The following EMSY variants were observed in gnomAD, a reference collection of about 807,000 sequenced individuals.
EMSY encodes the protein EMSY transcriptional repressor, BRCA2 interacting, also known as BRCA2-interacting transcriptional repressor EMSY.
A neutral mutation model predicts 134.6 loss-of-function variants in EMSY; 26 were observed. The ratio of observed to expected loss-of-function variants is 0.19; its 90% CI spans 0.14 to 0.27. The LOEUF is 0.27. Among genes scored for constraint, EMSY ranks in the 10% least tolerant of loss-of-function variants. EMSY has a pLI of 1.00. For synonymous variants in EMSY, 579 were observed against 577.8 expected (o/e 1.00, Z -0.03); for missense variants, 1,305 against 1,611.4 (o/e 0.81, Z 3.26).
chr11:76,473,296 A>G (rs565143929), intron 8 of EMSY, among the ~76,000 whole-genome samples: 84 of 150,954 alleles, frequency 5.6e-4, no homozygotes, highest in Non-Finnish European at 9.8e-4. Context: ...AGTCTCCTAC[A>G]TTTTTCTTTT....
At chr11:76,456,284 T>C (rs544452954) in intron 4 of EMSY, among the ~76,000 whole-genome samples, 1 of 152,368 alleles carries the variant, frequency 6.6e-6, no homozygotes, top group South Asian at 2.1e-4. Flanking sequence ...TGAGCATGTT[T>C]GCATGAGTAG....
intron 18 of EMSY, among the ~76,000 whole-genome samples, chr11:76,542,753 G>GTTTTTTGTTTTT (rs749234059): frequency 1.8e-5 from 2 of 109,262 alleles, no homozygotes; most frequent in Non-Finnish European, 1.9e-5. Context: ...TTCGTTTTTT[G>GTTTTTTGTTTTT]TTTTTTTTTT....
At chr11:76,545,696 A>G in intron 19 of EMSY, 101 bp from the exon 21 acceptor site, 2 of 1,356,758 alleles carry the variant, frequency 1.5e-6, no homozygotes, top group Non-Finnish European at 2.0e-6. Context: ...TCTTCCTAGT[A>G]TAGCGCACGA....
chr11:76,508,023 G>A (rs1950144935), intron 9 of EMSY, among the ~76,000 whole-genome samples: 1 of 151,582 alleles, frequency 6.6e-6, no homozygotes, highest in African/African-American at 2.4e-5. Context: ...GCCATAGCAT[G>A]CCTGGCTAAT....
chr11:76,552,773 A>T (rs1371658682), downstream of EMSY: 1 of 152,196 alleles, frequency 6.6e-6, no homozygotes. Flanking sequence ...CATTAATCAC[A>T]AAAGAAATCC....
intron 3 of EMSY, 40 bp from the exon 4 acceptor site, chr11:76,453,274 C>G: frequency 6.3e-7 from 1 of 1,583,240 alleles, no homozygotes; most frequent in Non-Finnish European, 8.6e-7. Context: ...AAAGAGCTGC[C>G]TGCTTGGCAG....
chr11:76,457,505 C>T (rs1165701220), intron 4 of EMSY, among the ~76,000 whole-genome samples: 2 of 152,112 alleles, frequency 1.3e-5, no homozygotes, highest in Non-Finnish European at 1.5e-5. Context: ...GTCTCAATTC[C>T]TTCTTAGAGT....
intron 14 of EMSY, 63 bp from the exon 16 acceptor site, chr11:76,535,832 T>C (rs1371321397): frequency 8.4e-7 from 1 of 1,188,832 alleles, no homozygotes; most frequent in Non-Finnish European, 1.1e-6. Context: ...AATTGTTTGT[T>C]TTTTTTTTTT....
chr11:76,542,306 C>T (rs1951468111), exon 18 of EMSY: 1 of 1,614,138 alleles, frequency 6.2e-7, no homozygotes, highest in Non-Finnish European at 8.5e-7. Context: ...ACACAGACTT[C>T]GGTGGTGGTG....
chr11:76,487,182 A>T (rs191903260), intron 8 of EMSY, among the ~76,000 whole-genome samples: 259 of 152,334 alleles, frequency 1.7e-3, no homozygotes, highest in African/African-American at 6.0e-3. Flanking sequence ...CAGGAGGCTG[A>T]GGCAGGAGAA....
chr11:76,526,373 C>A, intron 12 of EMSY, 89 bp from the exon 14 acceptor site: 1 of 938,616 alleles, frequency 1.1e-6, no homozygotes, highest in Non-Finnish European at 1.5e-6. Context: ...TTTTCATCAT[C>A]CTGGTAAAAC....
intron 9 of EMSY, among the ~76,000 whole-genome samples, chr11:76,508,168 G>A (rs1158218325): frequency 6.6e-6 from 1 of 152,048 alleles, no homozygotes; most frequent in East Asian, 1.9e-4. Flanking sequence ...ACCACACCCA[G>A]CCTAAAATTT....
intron 11 of EMSY, among the ~76,000 whole-genome samples, chr11:76,521,842 G>T (rs1274063502): frequency 6.6e-6 from 1 of 151,502 alleles, no homozygotes; most frequent in Non-Finnish European, 1.5e-5. Context: ...GAGGCAGGAG[G>T]ATCACTTGAA....
At chr11:76,454,142 G>A (rs1029482442) in intron 4 of EMSY, among the ~76,000 whole-genome samples, 2 of 151,920 alleles carry the variant, frequency 1.3e-5, no homozygotes, top group Non-Finnish European at 2.9e-5. Flanking sequence ...TTATTTTTAT[G>A]TTTTAATGTT....
intron 14 of EMSY, among the ~76,000 whole-genome samples, chr11:76,534,008 C>G (rs1230682759): frequency 1.3e-5 from 2 of 152,176 alleles, no homozygotes; most frequent in Non-Finnish European, 2.9e-5. Context: ...TGATGGTCAG[C>G]TGCTCTTTCT....
intron 12 of EMSY, 112 bp downstream of exon 13, chr11:76,523,403 T>G: frequency 1.7e-6 from 2 of 1,210,926 alleles, no homozygotes; most frequent in South Asian, 3.2e-5. Flanking sequence ...AATGGCTTGG[T>G]TTACCACTGC....
At chr11:76,506,604 T>C (rs1450461617) in intron 9 of EMSY, among the ~76,000 whole-genome samples, 3 of 152,064 alleles carry the variant, frequency 2.0e-5, no homozygotes, top group Non-Finnish European at 2.9e-5. Context: ...AACATATAAA[T>C]AGTTTCTCAA....
chr11:76,516,187 G>A, exon 11 of EMSY: 1 of 1,613,926 alleles, frequency 6.2e-7, no homozygotes, highest in South Asian at 1.1e-5. Flanking sequence ...CCATCCATTG[G>A]TCGGATGGCT....
chr11:76,466,217 C>G (rs958015543), intron 7 of EMSY, among the ~76,000 whole-genome samples: 15 of 152,292 alleles, frequency 9.8e-5, no homozygotes, highest in Admixed American at 2.0e-4. Flanking sequence ...GGATCTAAAT[C>G]GTTCTTAAAC....
Sources: allele counts gnomAD v4.1 joint callset (sites outside exome capture counted in the v4.1 genomes callset), GRCh38; gene constraint gnomAD v4.1.1; transcripts MANE v1.5; gene names NCBI Gene and HGNC (gene_info 2026-07-23, HGNC 2026-07-21).